UBR4: variants seen among roughly 807,000 people sequenced by gnomAD.
The protein encoded by UBR4 is ubiquitin protein ligase E3 component n-recognin 4.
UBR4 carries 124 observed loss-of-function variants against 575.6 expected under a neutral mutation model. That is an observed-to-expected ratio of 0.22 (90% confidence interval 0.19 to 0.25). The LOEUF is 0.25. Among genes scored for constraint, UBR4 ranks in the 10% least tolerant of loss-of-function variants. UBR4 has a pLI of 1.00. For synonymous variants in UBR4, 2,455 were observed against 2,473.7 expected, an observed-to-expected ratio of 0.99 and a Z score of 0.22; for missense variants, 4,818 against 6,478.8, an observed-to-expected ratio of 0.74 and a Z score of 8.80.
intron 17 of UBR4, among the ~76,000 whole-genome samples, chr1:19,179,515 T>C (rs2090649367): frequency 6.6e-6 from 1 of 152,218 alleles, no homozygotes; most frequent in African/African-American, 2.4e-5. Context: ...ATCAGGATAA[T>C]TTTGTAAATG....
Position 19,138,023 on chromosome 1 carries a change from C to T in UBR4, c.8890G>A (p.Val2964Ile). The T allele has an allele frequency of 6.4e-7, 1 of 1,559,286 alleles. No homozygotes were observed. Among genetic ancestry groups the T allele is most frequent in the Non-Finnish European group, 8.7e-7 (1 of 1,146,782 alleles). Residue 2964 changes from valine to isoleucine, a missense_variant, in exon 60 of 106, where the codon GTC becomes ATC. By Grantham distance (29) the Val-to-Ile change is conservative (BLOSUM62 3). Transcript: ENST00000375254. ...GEGEGETEGD[V>I]HTSNRLHMVR... Reference sequence around the variant, plus strand: ...GGTCTTGACCTGTTGCTAGTGTGGACATCTCCTTCAGTTTCTCCTTCTCCT... The same window carrying T: ...GGTCTTGACCTGTTGCTAGTGTGGATATCTCCTTCAGTTTCTCCTTCTCCT...
intron 102 of UBR4, 96 bp from the exon 103 acceptor site, chr1:19,081,669 G>A (rs2076523312): frequency 7.4e-7 from 1 of 1,351,226 alleles, no homozygotes; most frequent in Non-Finnish European, 1.1e-6. Context: ...GTTGTCTTGT[G>A]ACATTTGCTG....
At position 19,117,437 on chromosome 1, in the gene UBR4, C is replaced by T; in HGVS notation, c.10630-23G>A. ...ATACTAAATACAAGAGTTCACAAAA[C>T]ATGGTATTAGTTCAAGACTCGTACT... On this transcript the variant is annotated intron_variant, in intron 72 of 105. Coordinates refer to ENST00000375254, the MANE Select transcript of UBR4 (RefSeq NM_020765.3). The surrounding 1 kb of genome is among the most constrained non-coding windows in gnomAD (Gnocchi z 4.0). 6.2e-7 allele frequency: 1 copy of T among 1,612,040 alleles called. No homozygotes were observed. The highest frequency in any genetic ancestry group is 8.5e-7 in the Non-Finnish European group (1 of 1,178,270).
chr1:19,157,446 G>C lies in UBR4; in HGVS notation c.5760+369C>G, dbSNP rs2086602220. On this transcript the variant is annotated intron_variant, in intron 40 of 105. Transcript: ENST00000375254. This position sits in a 1 kb window ranked among gnomAD's most constrained non-coding sequence, Gnocchi z 4.4. Reference sequence around the variant, plus strand: ...ACGGCAGCACTACATAAGCAACACTGAGTGTTCCTATGAAAACTTTTGTCT... The same window carrying C: ...ACGGCAGCACTACATAAGCAACACTCAGTGTTCCTATGAAAACTTTTGTCT... Among the ~76,000 whole-genome samples, 3 of 152,326 alleles carry C rather than the reference G, an allele frequency of 2.0e-5. No individual in the cohort carries two copies. In the South Asian group the frequency reaches 6.2e-4, roughly 32 times the overall value.
Position 19,152,410 on chromosome 1 carries a change from T to A in UBR4, c.6899A>T (p.Asp2300Val), listed in dbSNP as rs751349647. Reference protein sequence around the residue: ...DFFEHNQQLTDVEFGGNDLLQ... With the variant: ...DFFEHNQQLTVVEFGGNDLLQ... ...GAGGTCGTTACCACCAAACTCCACA[T>A]CTGTCAGCTGCTGGTTGTGTTCAAA... The change falls in exon 47 of 106, where the codon GAT (aspartate) becomes GTT (valine). Residue 2300 changes from aspartate to valine, a missense_variant. Physicochemically the swap from Asp to Val is radical, Grantham distance 152 (BLOSUM62 -3). This residue lies in a region of UBR4 where 461 missense variants were observed against 606.9 expected (regional missense o/e 0.76). Coordinates refer to ENST00000375254, the MANE Select transcript of UBR4 (RefSeq NM_020765.3). The surrounding 1 kb of genome is among the most constrained non-coding windows in gnomAD (Gnocchi z 4.4). The A allele has an allele frequency of 1.9e-6, 3 of 1,613,932 alleles. No homozygotes were observed. The highest frequency in any genetic ancestry group is 2.5e-6 in the Non-Finnish European group (3 of 1,179,856).
rs779844577 is a variant in UBR4 at position 19,094,983 on chromosome 1, C to T, written c.13669G>A (p.Ala4557Thr). The part of the protein sequence containing the change: ...EQESKDSGGA[A>T]VAEQVLSIME... ...ATGCTAAGCACCTGCTCAGCCACAG[C>T]TGCACCCCCACTGTCCTTGCTTTCT... The change falls in exon 94 of 106, where the codon GCT becomes ACT. Residue 4557 changes from alanine to threonine, a missense_variant. Around this residue, in one of 29 missense-constraint regions of UBR4, gnomAD observed 165 missense variants for 282.3 expected, o/e 0.58. Transcript: ENST00000375254. 1.2e-6 allele frequency: 2 copies of T among 1,614,208 alleles called. No homozygotes were observed. The highest frequency in any genetic ancestry group is 2.2e-5 in the East Asian group (1 of 44,874).
At chr1:19,107,573 A>T (rs966739595) in intron 81 of UBR4, among the ~76,000 whole-genome samples, 6 of 152,208 alleles carry the variant, frequency 3.9e-5, no homozygotes, top group African/African-American at 1.4e-4. Context: ...GCTTTAGTCC[A>T]GGAGTTCGAG....
chr1:19,110,088 C>A lies in UBR4; in HGVS notation c.12105+8G>T. 3 of 1,613,934 alleles carry A rather than the reference C, an allele frequency of 1.9e-6. No individual in the cohort carries two copies. In the East Asian group the frequency reaches 6.7e-5, roughly 36 times the overall value. ...CCTTCCTTGTTAGACCCCTGCTTGG[C>A]CCAGTACCTTGTTCTTCTTGCTAGT... On this transcript the variant is annotated splice_region_variant and intron_variant, in intron 81 of 105. Coordinates refer to ENST00000375254, the MANE Select transcript of UBR4 (RefSeq NM_020765.3). The surrounding 1 kb of genome is among the most constrained non-coding windows in gnomAD (Gnocchi z 4.5).
Position 19,163,783 on chromosome 1 carries a change from G to C in UBR4, c.4745C>G (p.Ala1582Gly). Residue 1582 changes from alanine to glycine, a missense_variant, in exon 34 of 106, where the codon GCC becomes GGC. Coordinates refer to ENST00000375254, the MANE Select transcript of UBR4 (RefSeq NM_020765.3). The stretch of plus-strand genomic sequence containing the variant: ...TCTTACCTTTCCATGCATTACATTG[G>C]CATTCAGTTTTTCAACTACATTCTT... The part of the protein sequence containing the change: ...SQKNVVEKLN[A>G]NVMHGKHVMI... 2.5e-6 allele frequency: 4 copies of C among 1,613,982 alleles called. No homozygotes were observed. The highest frequency in any genetic ancestry group is 3.4e-6 in the Non-Finnish European group (4 of 1,179,994).
At chr1:19,204,954 C>T (rs1288122835) in intron 1 of UBR4, among the ~76,000 whole-genome samples, 1 of 151,328 alleles carries the variant, frequency 6.6e-6, no homozygotes, top group East Asian at 1.9e-4. Flanking sequence ...AAAAATGGAA[C>T]AAAGGACAAA....
chr1:19,098,991 G>A (rs1409873641), intron 90 of UBR4, among the ~76,000 whole-genome samples: 3 of 152,188 alleles, frequency 2.0e-5, no homozygotes, highest in Non-Finnish European at 4.4e-5. Flanking sequence ...GGAAGGAACA[G>A]AGAGTAAGAA....
chr1:19,189,903 C>T (rs1280733689), intron 11 of UBR4, among the ~76,000 whole-genome samples: 1 of 152,126 alleles, frequency 6.6e-6, no homozygotes, highest in East Asian at 1.9e-4. Context: ...ATACCGGCTT[C>T]AGATTTCAGC....
chr1:19,205,195 G>C (rs1158146417), intron 1 of UBR4, among the ~76,000 whole-genome samples: 2 of 152,206 alleles, frequency 1.3e-5, no homozygotes, highest in Non-Finnish European at 2.9e-5. Flanking sequence ...GTGATGCAGA[G>C]TACAAAGGGA....
rs1056501143 is a variant in UBR4, at chr1:19,151,564, T to C, written c.7213+79A>G. ...AGCAGAGTGGAGAGATCCCAGAATGTTGGACAGCCACAGGCCAGTGGCTCC... is the reference window on the plus strand; with the variant it reads ...AGCAGAGTGGAGAGATCCCAGAATGCTGGACAGCCACAGGCCAGTGGCTCC... On this transcript the variant is annotated intron_variant, in intron 48 of 105. Transcript: ENST00000375254. 4.1e-6 allele frequency: 6 copies of C among 1,462,866 alleles called. No individual in the cohort carries two copies. The African/African-American group carries it at 8.4e-5, about 20-fold the overall frequency. The allele number at this position is 1,462,866 out of a possible 1,614,324, so 90.6% of individuals were successfully genotyped here. A position where few individuals can be genotyped will look rare whatever the true frequency, so the allele number is the denominator to read the frequency against.
At chr1:19,114,126 G>A in intron 75 of UBR4, 56 bp from the exon 76 acceptor site, 1 of 1,584,852 alleles carries the variant, frequency 6.3e-7, no homozygotes. Context: ...GACTTTCCCT[G>A]AGTAATCCTC....
intron 44 of UBR4, among the ~76,000 whole-genome samples, chr1:19,154,471 A>C (rs983649157): frequency 6.6e-6 from 1 of 152,092 alleles, no homozygotes; most frequent in Admixed American, 6.5e-5. Flanking sequence ...ATTATTTGCA[A>C]ACTTGTTGAA....
intron 17 of UBR4, among the ~76,000 whole-genome samples, chr1:19,182,097 T>G (rs560594698): frequency 6.6e-6 from 1 of 152,358 alleles, no homozygotes; most frequent in African/African-American, 2.4e-5. Flanking sequence ...GTATCATGTC[T>G]TTACGGTTTA....
intron 75 of UBR4, 97 bp downstream of exon 75, chr1:19,114,714 G>C: frequency 2.7e-6 from 4 of 1,493,966 alleles, no homozygotes; most frequent in South Asian, 1.3e-5. Context: ...GTCGAAGAAG[G>C]CTTAGGCTAG....
chr1:19,131,243 T>TAAAAAAAAAAAAAAAAAAA, intron 60 of UBR4, among the ~76,000 whole-genome samples: 1 of 102,978 alleles, frequency 9.7e-6, no homozygotes, highest in Non-Finnish European at 1.9e-5. Context: ...TCTTGAAACT[T>TAAAAAAAAAAAAAAAAAAA]AAAAAAAAAA....
Sources: allele counts gnomAD v4.1 joint callset (sites outside exome capture counted in the v4.1 genomes callset), GRCh38; gene constraint gnomAD v4.1.1; regional missense constraint gnomAD v4.1.1; non-coding constraint Gnocchi (gnomAD v3.1); transcripts MANE v1.5; gene names NCBI Gene and HGNC (gene_info 2026-07-23, HGNC 2026-07-21).